Variants in UBAP2 observed in about 807,000 individuals in gnomAD.
UBAP2 encodes the protein ubiquitin-associated protein 2.
In UBAP2, 75 loss-of-function variants were observed where a neutral mutation model predicts 139.6. The observed-to-expected ratio is 0.54, with a 90% CI of 0.45 to 0.65. UBAP2 has a LOEUF of 0.65. UBAP2 is among the 30% of genes least tolerant of loss of function. UBAP2 has a pLI of 0.00. For missense variants in UBAP2, 1,368 were observed against 1,369.6 expected (o/e 1.00, Z 0.02); for synonymous variants, 526 against 526.2 (o/e 1.00, Z 0.01).
intron 2 of UBAP2, among the ~76,000 whole-genome samples, chr9:34,010,439 A>G (rs1823656198): frequency 6.6e-6 from 1 of 151,558 alleles, no homozygotes; most frequent in African/African-American, 2.4e-5. Flanking sequence ...AAAAAAAAAA[A>G]AAAAAAAAAA....
Position 33,982,750 on chromosome 9 carries a change from G to A in UBAP2, c.520+4010C>T, listed in dbSNP as rs1033450965. Among the ~76,000 whole-genome samples the A allele has an allele frequency of 3.3e-5, 5 of 152,086 alleles. No homozygotes were observed. The South Asian group carries it at 6.2e-4, about 19-fold the overall frequency. ...GTCTGTTAACTTTTATTTATTTGGG[G>A]TTTATTAGTCTAAATAGAACCAAGG... On this transcript the variant is annotated intron_variant, in intron 6 of 28. Coordinates refer to ENST00000379238, the MANE Select transcript of UBAP2 (RefSeq NM_001370062.2).
At chr9:34,038,066 G>A (rs959766880) in intron 1 of UBAP2, among the ~76,000 whole-genome samples, 14 of 148,522 alleles carry the variant, frequency 9.4e-5, no homozygotes, top group Non-Finnish European at 1.9e-4. Flanking sequence ...GTACCCAAGA[G>A]GCTAAGGTGG....
intron 1 of UBAP2, among the ~76,000 whole-genome samples, chr9:34,020,591 G>C (rs1282878701): frequency 6.6e-6 from 1 of 151,836 alleles, no homozygotes; most frequent in Non-Finnish European, 1.5e-5. Flanking sequence ...CTCCCAAAGT[G>C]CTGAGATTAC....
At chr9:33,987,822 T>C (rs981805404) in intron 5 of UBAP2, among the ~76,000 whole-genome samples, 14 of 152,248 alleles carry the variant, frequency 9.2e-5, no homozygotes, top group Non-Finnish European at 1.9e-4. Flanking sequence ...AGGCACAGAA[T>C]AGCAAAATAG....
At position 33,960,848 on chromosome 9, in the gene UBAP2, G is replaced by A. The variant is rs760701052; in HGVS notation, c.776C>T (p.Thr259Ile). 2.4e-5 allele frequency: 38 copies of A among 1,612,630 alleles called. No homozygotes were observed. Among genetic ancestry groups the A allele is most frequent in the Non-Finnish European group, 3.1e-5 (37 of 1,179,834 alleles). ...GAWKNSVEEW[T>I]TEDWTEDLSE... ...TACATCTTCAGTCCAGTCTTCTGTT[G>A]TCCACTCTTCCACAGAATTCTTCCA... Residue 259 changes from threonine to isoleucine, a missense_variant, in exon 10 of 29, where the codon ACA becomes ATA. Transcript: ENST00000379238.
intron 6 of UBAP2, among the ~76,000 whole-genome samples, chr9:33,983,122 C>T (rs965672999): frequency 6.6e-6 from 1 of 152,062 alleles, no homozygotes; most frequent in African/African-American, 2.4e-5. Context: ...TCGTGATCTG[C>T]TCGCCTCGGC....
chr9:34,046,279 T>C (rs1197550286), intron 1 of UBAP2, among the ~76,000 whole-genome samples: 1 of 56,652 alleles, frequency 1.8e-5, no homozygotes, highest in African/African-American at 7.3e-5. Flanking sequence ...ACAAAGGAAA[T>C]CTTAACAATA....
At chr9:33,974,939 A>G (rs888381180) in intron 6 of UBAP2, among the ~76,000 whole-genome samples, 102 of 41,934 alleles carry the variant, frequency 2.4e-3, no homozygotes, top group African/African-American at 6.6e-3. Context: ...CTAAAAAAAA[A>G]GGGGGGGGTG....
At chr9:34,040,896 G>C (rs1434217519) in intron 1 of UBAP2, among the ~76,000 whole-genome samples, 2 of 152,146 alleles carry the variant, frequency 1.3e-5, no homozygotes, top group Non-Finnish European at 2.9e-5. Context: ...TGACAAGCCT[G>C]AGAACAACTG....
rs759055016 is a variant in UBAP2 at position 34,017,128 on chromosome 9, A to T, written c.21T>A (p.Ser7Arg). The T allele has an allele frequency of 6.2e-7, 1 of 1,609,180 alleles. No individual in the cohort carries two copies. The highest frequency in any genetic ancestry group is 2.2e-5 in the East Asian group (1 of 44,806). The part of the protein sequence containing the change: MMTSVS[S>R]DHCRGAREKP... ...TTTCCCGAGCACCTCGACAATGGTCACTGCTCACTGAAGTCATCATATACA... is the reference window on the plus strand; with the variant it reads ...TTTCCCGAGCACCTCGACAATGGTCTCTGCTCACTGAAGTCATCATATACA... Residue 7 changes from serine to arginine, a missense_variant, in exon 2 of 29, where the codon AGT (serine) becomes AGA (arginine). Physicochemically the swap from Ser to Arg is moderately radical, Grantham distance 110. Coordinates refer to ENST00000379238, the MANE Select transcript of UBAP2 (RefSeq NM_001370062.2).
intron 19 of UBAP2, among the ~76,000 whole-genome samples, chr9:33,931,408 G>A (rs1823970259): frequency 6.6e-6 from 1 of 151,648 alleles, no homozygotes; most frequent in African/African-American, 2.4e-5. Flanking sequence ...TGGTCTGGAG[G>A]TTTTTTTTTG....
intron 2 of UBAP2, among the ~76,000 whole-genome samples, chr9:34,014,480 T>C (rs879325362): frequency 1.3e-5 from 2 of 151,406 alleles, no homozygotes; most frequent in Admixed American, 6.6e-5. Flanking sequence ...AATACAAAAA[T>C]TAACTGGAGG....
At chr9:33,960,052 C>G (rs904036769) in intron 10 of UBAP2, among the ~76,000 whole-genome samples, 1 of 152,080 alleles carries the variant, frequency 6.6e-6, no homozygotes, top group Non-Finnish European at 1.5e-5. Flanking sequence ...GCCTTAGCCT[C>G]CTGAGTAGCT....
intron 10 of UBAP2, among the ~76,000 whole-genome samples, chr9:33,957,691 T>C (rs951742609): frequency 7.2e-5 from 11 of 152,150 alleles, no homozygotes; most frequent in Admixed American, 2.6e-4. Context: ...GGCTGGAAAA[T>C]GTTGATCTAA....
At chr9:34,030,694 G>A (rs529096286) in intron 1 of UBAP2, among the ~76,000 whole-genome samples, 49 of 151,768 alleles carry the variant, frequency 3.2e-4, no homozygotes, top group African/African-American at 1.0e-3. Flanking sequence ...TGGGAGGCCC[G>A]GGCGCATGGA....
intron 6 of UBAP2, among the ~76,000 whole-genome samples, chr9:33,973,496 T>C (rs1314731403): frequency 1.3e-5 from 2 of 152,156 alleles, no homozygotes; most frequent in East Asian, 3.8e-4. Flanking sequence ...CACAGGGAGG[T>C]TGTATTATAA....
intron 2 of UBAP2, among the ~76,000 whole-genome samples, chr9:34,009,806 CTTTTTTTTT>C (rs201452836): frequency 7.7e-6 from 1 of 129,814 alleles, no homozygotes; most frequent in African/African-American, 2.8e-5. Context: ...CTTATATTTC[CTTTTTTTTT>C]TTTTTTTTTG....
chr9:34,035,698 G>A (rs373918621), intron 1 of UBAP2, among the ~76,000 whole-genome samples: 3 of 150,682 alleles, frequency 2.0e-5, no homozygotes, highest in East Asian at 2.0e-4. Context: ...AATAAAGAAA[G>A]AAACAAACAA....
At position 33,974,623 on chromosome 9, in the gene UBAP2, G is replaced by A. The variant is rs534188670; in HGVS notation, c.521-1386C>T. 5.7e-4 allele frequency among the ~76,000 whole-genome samples: 86 copies of A among 151,884 alleles called. 1 individual carries two copies. Among genetic ancestry groups the A allele is most frequent in the African/African-American group, 2.0e-3 (83 of 41,396 alleles). ...CAGAGTAACATCTGGAACACACAAA[G>A]AACTCCTAAAACTCGACAACAAAAT... is the stretch of plus-strand genomic sequence containing the variant. On this transcript the variant is annotated intron_variant, in intron 6 of 28. Transcript: ENST00000379238.
Sources: allele counts gnomAD v4.1 joint callset (sites outside exome capture counted in the v4.1 genomes callset), GRCh38; gene constraint gnomAD v4.1.1; transcripts MANE v1.5; gene names NCBI Gene and HGNC (gene_info 2026-07-23, HGNC 2026-07-21).